ATRNL1: variants seen among roughly 807,000 people sequenced by gnomAD.
ATRNL1 encodes attractin like 1.
ATRNL1 carries 95 observed loss-of-function variants against 182.7 expected under a neutral mutation model. That is an observed-to-expected ratio of 0.52 (90% CI 0.44 to 0.62). The LOEUF (loss-of-function observed/expected upper bound fraction) is 0.62. Ranked by LOEUF, ATRNL1 falls within the 20% of genes least tolerant of loss-of-function variation. The pLI is 0.00. For synonymous variants in ATRNL1, 576 were observed against 568.3 expected (o/e 1.01, Z -0.19); for missense variants, 1,471 against 1,679.5 (o/e 0.88, Z 2.17).
intron 26 of ATRNL1, among the ~76,000 whole-genome samples, chr10:115,687,296 C>G (rs1431157554): frequency 6.6e-6 from 1 of 152,062 alleles, no homozygotes; most frequent in Non-Finnish European, 1.5e-5. Context: ...CCTGGAAAAT[C>G]ACCATTCTAC....
At chr10:115,478,036 A>C in intron 24 of ATRNL1, among the ~76,000 whole-genome samples, 1 of 151,660 alleles carries the variant, frequency 6.6e-6, no homozygotes. Context: ...AAATTCTTAA[A>C]TTACAAGTGA....
At chr10:115,845,118 G>A (rs578184961) in intron 27 of ATRNL1, among the ~76,000 whole-genome samples, 144 of 151,938 alleles carry the variant, frequency 9.5e-4, no homozygotes, top group Non-Finnish European at 1.9e-3. Context: ...AAAGAGCTGT[G>A]CTAGTAACTA....
chr10:115,116,443 T>TA lies in ATRNL1; in HGVS notation c.294-3733dup, dbSNP rs763791876. ...ATGTAAGGGTATTAGGAGTAAGAAGTAAAAAAAAATAAATGGAAAACTAGG... is the reference window on the plus strand; with the variant it reads ...ATGTAAGGGTATTAGGAGTAAGAAGTAAAAAAAAAATAAATGGAAAACTAGG... On this transcript the variant is annotated intron_variant, in intron 1 of 28. Transcript: ENST00000355044. Among the ~76,000 whole-genome samples the TA allele has an allele frequency of 1.8e-3, 277 of 151,200 alleles. 1 individual carries two copies. Among genetic ancestry groups the TA allele is most frequent in the African/African-American group, 5.8e-3 (241 of 41,276 alleles).
chr10:115,323,431 TCCCCTCCCCTTCC>T (rs1328327282), intron 18 of ATRNL1, among the ~76,000 whole-genome samples: 16 of 19,748 alleles, frequency 8.1e-4, no homozygotes, highest in African/African-American at 2.4e-3. Flanking sequence ...TCCCCTCCCC[TCCCCTCCCCTTCC>T]CTTCCCATTT....
chr10:115,118,010 A>G (rs1165611485), intron 1 of ATRNL1, among the ~76,000 whole-genome samples: 1 of 152,116 alleles, frequency 6.6e-6, no homozygotes, highest in East Asian at 1.9e-4. Context: ...CTTTTGAGAA[A>G]TGTCTGTTCA....
chr10:115,696,676 AT>A (rs1433973044), intron 26 of ATRNL1, among the ~76,000 whole-genome samples: 1 of 152,034 alleles, frequency 6.6e-6, no homozygotes, highest in African/African-American at 2.4e-5. Context: ...AGCATCTGTT[AT>A]TTTTTTGACT....
chr10:115,186,024 TA>T (rs1847926094), intron 8 of ATRNL1, among the ~76,000 whole-genome samples: 1 of 152,008 alleles, frequency 6.6e-6, no homozygotes. Flanking sequence ...AAGCAAGCCA[TA>T]GATAAGTAAC....
At chr10:115,652,116 G>T (rs1340706155) in intron 26 of ATRNL1, among the ~76,000 whole-genome samples, 1 of 151,976 alleles carries the variant, frequency 6.6e-6, no homozygotes, top group South Asian at 2.1e-4. Flanking sequence ...TGTTAGTAAA[G>T]ATTTATGCAG....
intron 26 of ATRNL1, among the ~76,000 whole-genome samples, chr10:115,666,399 A>T (rs1861000959): frequency 6.6e-6 from 1 of 152,100 alleles, no homozygotes; most frequent in African/African-American, 2.4e-5. Flanking sequence ...CTTCCTTAAC[A>T]CCCATTACCG....
At chr10:115,910,167 T>C (rs1335024458) in intron 28 of ATRNL1, among the ~76,000 whole-genome samples, 1 of 152,046 alleles carries the variant, frequency 6.6e-6, no homozygotes, top group African/African-American at 2.4e-5. Context: ...CCTCCCCAAG[T>C]CACCTCCATA....
At position 115,531,134 on chromosome 10, in the gene ATRNL1, TATATACCCAGTA is replaced by T. The variant is rs756998864; in HGVS notation, c.3716+11813_3716+11824del. Reference sequence around the variant, plus strand: ...GCAGCATGATTTATAGTCCTTTGGGTATATACCCAGTAATGGGATGGCTGGGTCAAATGGTAT... The same window carrying T: ...GCAGCATGATTTATAGTCCTTTGGGTATGGGATGGCTGGGTCAAATGGTAT... On this transcript the variant is annotated intron_variant, in intron 25 of 28. Coordinates refer to ENST00000355044, the MANE Select transcript of ATRNL1 (RefSeq NM_207303.4). 6.9e-3 allele frequency among the ~76,000 whole-genome samples: 1,056 copies of T among 152,076 alleles called. 3 individuals carry two copies. The highest frequency in any genetic ancestry group is 8.8e-3 in the Non-Finnish European group (598 of 67,976).
Position 115,684,206 on chromosome 10 carries a change from T to C in ATRNL1, c.3796-43042T>C, listed in dbSNP as rs575768990. Among the ~76,000 whole-genome samples, 59 of 151,558 alleles carry C rather than the reference T, an allele frequency of 3.9e-4. 1 individual carries two copies. The South Asian group carries it at 0.012, about 30-fold the overall frequency. On this transcript the variant is annotated intron_variant, in intron 26 of 28. Transcript: ENST00000355044. ...GGGCTTATAATTTAAACTTTCTACT[T>C]TTTGTTAATTTTTTTTAGTATATAG...
intron 26 of ATRNL1, among the ~76,000 whole-genome samples, chr10:115,624,342 T>G (rs1293205491): frequency 6.6e-6 from 1 of 152,128 alleles, no homozygotes; most frequent in Non-Finnish European, 1.5e-5. Flanking sequence ...AAACAGTATT[T>G]TATTAAAGTC....
At chr10:115,669,163 C>T (rs1555040648) in intron 26 of ATRNL1, among the ~76,000 whole-genome samples, 1 of 152,036 alleles carries the variant, frequency 6.6e-6, no homozygotes, top group African/African-American at 2.4e-5. Flanking sequence ...TGGTCCACTA[C>T]CCCAAGACTT....
intron 26 of ATRNL1, among the ~76,000 whole-genome samples, chr10:115,711,132 G>A (rs533392908): frequency 6.6e-6 from 1 of 152,048 alleles, no homozygotes; most frequent in Non-Finnish European, 1.5e-5. Context: ...TGAAAATACT[G>A]GTCAATATAT....
intron 26 of ATRNL1, among the ~76,000 whole-genome samples, chr10:115,550,092 A>G (rs1852880382): frequency 6.6e-6 from 1 of 151,884 alleles, no homozygotes; most frequent in African/African-American, 2.4e-5. Context: ...GATGAAAACA[A>G]TAATATTCTT....
At chr10:115,152,208 G>C (rs1161036693) in intron 5 of ATRNL1, among the ~76,000 whole-genome samples, 1 of 152,104 alleles carries the variant, frequency 6.6e-6, no homozygotes, top group Non-Finnish European at 1.5e-5. Context: ...CTCTTTTTTG[G>C]TTCCATATGA....
chr10:115,889,469 C>T (rs1225333738), intron 28 of ATRNL1, among the ~76,000 whole-genome samples: 1 of 152,184 alleles, frequency 6.6e-6, no homozygotes, highest in Non-Finnish European at 1.5e-5. Context: ...GCTAGGATAA[C>T]AGGCATGCGC....
At chr10:115,252,188 G>A (rs142161236) in intron 10 of ATRNL1, among the ~76,000 whole-genome samples, 2,815 of 152,112 alleles carry the variant, frequency 0.019, 104 homozygotes, top group African/African-American at 0.065. Context: ...CACCACGCCC[G>A]GCTAATTTTT....
Sources: allele counts gnomAD v4.1 joint callset (sites outside exome capture counted in the v4.1 genomes callset), GRCh38; gene constraint gnomAD v4.1.1; transcripts MANE v1.5; gene names NCBI Gene and HGNC (gene_info 2026-07-23, HGNC 2026-07-21).